Variants in PTCD2 observed in about 807,000 individuals in gnomAD.
PTCD2 encodes the protein pentatricopeptide repeat domain 2.
PTCD2 carries 31 observed loss-of-function variants against 42.6 expected under a neutral mutation model. That is an observed-to-expected ratio of 0.73 (90% CI 0.55 to 0.98). The LOEUF (loss-of-function observed/expected upper bound fraction) is 0.98, where lower values mean the gene tolerates loss of function less well. Among genes scored for constraint, PTCD2 ranks in the 50% least tolerant of loss-of-function variants. PTCD2 has a pLI of 0.00. For synonymous variants in PTCD2, 183 were observed against 170.9 expected, an observed-to-expected ratio of 1.07 and a Z score of -0.55; for missense variants, 476 against 454.8, an observed-to-expected ratio of 1.05 and a Z score of -0.42.
At chr5:72,331,655 A>G (rs1486771057) in intron 4 of PTCD2, among the ~76,000 whole-genome samples, 1 of 152,122 alleles carries the variant, frequency 6.6e-6, no homozygotes, top group Non-Finnish European at 1.5e-5. Flanking sequence ...GGGGCTTTCA[A>G]TAGAGAAGAG....
intron 7 of PTCD2, among the ~76,000 whole-genome samples, chr5:72,339,741 T>G (rs924354838): frequency 1.4e-5 from 2 of 144,074 alleles, no homozygotes; most frequent in Non-Finnish European, 3.0e-5. Flanking sequence ...TTACACTGTT[T>G]GGTGCACAGA....
intron 9 of PTCD2, among the ~76,000 whole-genome samples, 182 bp downstream of exon 9, chr5:72,352,936 A>G (rs768395728): frequency 3.7e-4 from 57 of 152,136 alleles, no homozygotes; most frequent in Admixed American, 7.9e-4. Flanking sequence ...CCAACAGAAT[A>G]TATCCTCTGA....
chr5:72,339,361 A>G (rs141085610), intron 7 of PTCD2, among the ~76,000 whole-genome samples: 2 of 152,348 alleles, frequency 1.3e-5, no homozygotes, highest in East Asian at 3.9e-4. Flanking sequence ...AATGCTTTAC[A>G]TGTTTCCTAT....
chr5:72,362,582 C>T lies in PTCD2; in HGVS notation c.*4155C>T, dbSNP rs1406115467. 1.3e-5 allele frequency: 2 copies of T among 152,270 alleles called. No individual in the cohort carries two copies. Among genetic ancestry groups the T allele is most frequent in the Non-Finnish European group, 2.9e-5 (2 of 68,072 alleles). The allele number at this position is 152,270 out of a possible 1,614,324, so 9.4% of individuals were successfully genotyped here. On this transcript the variant is annotated 3_prime_UTR_variant, in exon 10 of 10. Coordinates refer to ENST00000380639, the MANE Select transcript of PTCD2 (RefSeq NM_024754.5). ...ACTGTGTATCCCTTCCTCCTCCCAA[C>T]CAAAGTGTCCCCACTCTTTCTCTAT... is the stretch of plus-strand genomic sequence containing the variant.
At chr5:72,330,714 A>C (rs1209718645) in intron 3 of PTCD2, among the ~76,000 whole-genome samples, 2 of 152,254 alleles carry the variant, frequency 1.3e-5, no homozygotes, top group Non-Finnish European at 2.9e-5. Context: ...ATTCAAAACC[A>C]CATTTAATTT....
intron 7 of PTCD2, among the ~76,000 whole-genome samples, chr5:72,340,345 G>A (rs1054097132): frequency 6.6e-6 from 1 of 151,986 alleles, no homozygotes; most frequent in African/African-American, 2.4e-5. Context: ...TATTTTGATA[G>A]TGTTCACTTT....
rs577690129 is a variant in PTCD2, at chr5:72,337,305, T to C, written c.640-1317T>C. ...GTCATTCTTAGCTGTAGGCTACATT[T>C]AGCCCAAGGGTCATAGTTTGCTGAC... On this transcript the variant is annotated intron_variant, in intron 6 of 9. Coordinates refer to ENST00000380639, the MANE Select transcript of PTCD2 (RefSeq NM_024754.5). Among the ~76,000 whole-genome samples, 9 of 152,182 alleles carry C rather than the reference T, an allele frequency of 5.9e-5. 1 individual carries two copies. In the South Asian group the frequency reaches 1.9e-3, roughly 32 times the overall value.
chr5:72,326,285 G>C (rs558569704), intron 2 of PTCD2, among the ~76,000 whole-genome samples: 22 of 152,286 alleles, frequency 1.4e-4, no homozygotes, highest in South Asian at 1.2e-3. Flanking sequence ...CAAGCCTCTG[G>C]AACAGTAATT....
At chr5:72,336,356 T>G (rs1017628324) in intron 6 of PTCD2, among the ~76,000 whole-genome samples, 3 of 152,224 alleles carry the variant, frequency 2.0e-5, no homozygotes, top group Admixed American at 2.0e-4. Flanking sequence ...GTCACCTCCC[T>G]GGTACTTCTG....
At chr5:72,333,399 C>T (rs1751545851) in intron 4 of PTCD2, among the ~76,000 whole-genome samples, 1 of 152,068 alleles carries the variant, frequency 6.6e-6, no homozygotes, top group African/African-American at 2.4e-5. Flanking sequence ...TTGTCTTATT[C>T]ACTGTCTTCT....
At chr5:72,355,032 A>G (rs1328995816) in intron 9 of PTCD2, among the ~76,000 whole-genome samples, 4 of 152,342 alleles carry the variant, frequency 2.6e-5, no homozygotes, top group African/African-American at 4.8e-5. Context: ...TTATTTTTAT[A>G]TATTTATGTT....
intron 8 of PTCD2, 54 bp downstream of exon 8, chr5:72,343,090 G>T: frequency 2.2e-5 from 20 of 900,134 alleles, no homozygotes; most frequent in Non-Finnish European, 3.2e-5. Flanking sequence ...TATAATAAAT[G>T]TATTATAATA....
intron 5 of PTCD2, chr5:72,335,455 CAA>C (rs11397039): frequency 4.3e-3 from 527 of 122,174 alleles, no homozygotes; most frequent in East Asian, 0.013. Flanking sequence ...GACTCCGTCT[CAA>C]AAAAAAAAAA....
intron 8 of PTCD2, among the ~76,000 whole-genome samples, chr5:72,348,296 TGACA>T (rs1752459308): frequency 6.6e-6 from 1 of 152,230 alleles, no homozygotes; most frequent in African/African-American, 2.4e-5. Flanking sequence ...AGATGGAAAC[TGACA>T]GATAGGCTGA....
rs772072571 is a variant in PTCD2, at chr5:72,326,622, T to C, written c.231T>C (p.Phe77=). The stretch of plus-strand genomic sequence containing the variant: ...TGTGCTTTCTTCCAGAAACGTATTT[T>C]AGAAACTTGAAAAAGAAACTGACCC... ...CNLSGTKETY[F]RNLKKKLTQN... is the part of the protein sequence containing the mutation. The change falls in exon 3 of 10, where the codon TTT becomes TTC. Residue 77 remains phenylalanine (F), a synonymous_variant. Transcript: ENST00000380639. 6 of 1,614,198 alleles carry C rather than the reference T, an allele frequency of 3.7e-6. No homozygotes were observed. Among genetic ancestry groups the C allele is most frequent in the Non-Finnish European group, 4.2e-6 (5 of 1,180,022 alleles).
chr5:72,364,478 C>G lies in PTCD2; in HGVS notation c.*6051C>G, dbSNP rs1753157403. The G allele has an allele frequency of 6.6e-6, 1 of 152,182 alleles. No homozygotes were observed. The highest frequency in any genetic ancestry group is 2.4e-5 in the African/African-American group (1 of 41,436). 9.4% of individuals were successfully genotyped at this position (152,182 alleles called of 1,614,324 possible). On this transcript the variant is annotated 3_prime_UTR_variant, in exon 10 of 10. Coordinates refer to ENST00000380639, the MANE Select transcript of PTCD2 (RefSeq NM_024754.5). ...TACACTGCCTTGTATTGTTACAGAT[C>G]TTTTTCTCCATATCCGGTCTCTCCT...
chr5:72,340,911 A>C (rs1043877828), intron 7 of PTCD2, among the ~76,000 whole-genome samples: 2 of 149,870 alleles, frequency 1.3e-5, no homozygotes, highest in Admixed American at 6.6e-5. Flanking sequence ...TTCTATATCC[A>C]TGGAAATATT....
At chr5:72,338,425 T>G (rs1026378741) in intron 6 of PTCD2, among the ~76,000 whole-genome samples, 197 bp from the exon 7 acceptor site, 5 of 152,206 alleles carry the variant, frequency 3.3e-5, no homozygotes, top group Non-Finnish European at 5.9e-5. Flanking sequence ...ATAAAGTTAA[T>G]TTAGATTTGA....
chr5:72,333,852 GTT>G (rs1279710108), intron 4 of PTCD2, among the ~76,000 whole-genome samples: 2 of 152,018 alleles, frequency 1.3e-5, no homozygotes, highest in African/African-American at 2.4e-5. Context: ...ACAACATACT[GTT>G]TTTTGGGGTT....
Sources: gnomAD v4.1 joint callset for allele counts (sites outside exome capture counted in the v4.1 genomes callset) on GRCh38, gnomAD v4.1.1 for gene constraint, MANE v1.5 for transcripts, NCBI Gene and HGNC (gene_info 2026-07-23, HGNC 2026-07-21) for gene names.